RBFOX1: variants seen among roughly 807,000 people sequenced by gnomAD.
The protein encoded by RBFOX1 is RNA binding fox-1 homolog 1, also known as RNA binding protein fox-1 homolog 1.
In RBFOX1, 8 loss-of-function variants were observed where a neutral mutation model predicts 57.7. The observed-to-expected ratio is 0.14, with a 90% CI of 0.08 to 0.25. The LOEUF is 0.25. Ranked by LOEUF, RBFOX1 falls within the 10% of genes least tolerant of loss-of-function variation. The pLI is 1.00. For missense variants in RBFOX1, 611 were observed against 548.5 expected, an observed-to-expected ratio of 1.11 and a Z score of -1.14; for synonymous variants, 326 against 222.4, an observed-to-expected ratio of 1.47 and a Z score of -4.15.
At chr16:6,808,574 G>A (rs906900849) in intron 3 of RBFOX1, among the ~76,000 whole-genome samples, 7 of 152,188 alleles carry the variant, frequency 4.6e-5, no homozygotes, top group African/African-American at 1.4e-4. Flanking sequence ...GGGAATAACT[G>A]CCAAATTTAT....
chr16:6,823,527 T>C (rs767588578), intron 3 of RBFOX1, among the ~76,000 whole-genome samples: 6 of 152,054 alleles, frequency 3.9e-5, no homozygotes, highest in Non-Finnish European at 8.8e-5. Flanking sequence ...AAAGTGCTGG[T>C]ATTACAGGAG....
At chr16:6,234,041 C>A (rs894173919) in intron 1 of RBFOX1, among the ~76,000 whole-genome samples, 1 of 152,154 alleles carries the variant, frequency 6.6e-6, no homozygotes, top group African/African-American at 2.4e-5. Flanking sequence ...GCCGTGTCCT[C>A]ACATGGCAGA....
chr16:6,587,823 AC>A (rs1191713500), intron 2 of RBFOX1, among the ~76,000 whole-genome samples: 1 of 152,232 alleles, frequency 6.6e-6, no homozygotes, highest in Non-Finnish European at 1.5e-5. Flanking sequence ...ACATTTTGTG[AC>A]ATTTACTTTC....
intron 4 of RBFOX1, among the ~76,000 whole-genome samples, chr16:7,449,589 G>A (rs2098835147): frequency 6.6e-6 from 1 of 152,028 alleles, no homozygotes; most frequent in Non-Finnish European, 1.5e-5. Flanking sequence ...AACCTCGTTA[G>A]ACTTGAAATC....
intron 4 of RBFOX1, among the ~76,000 whole-genome samples, chr16:7,226,748 G>C (rs1453463579): frequency 6.6e-6 from 1 of 152,160 alleles, no homozygotes; most frequent in East Asian, 1.9e-4. Flanking sequence ...AAGAGGACTG[G>C]TAGGATTCCC....
At chr16:5,473,315 C>G (rs1043200375) in intron 2 of RBFOX1, among the ~76,000 whole-genome samples, 1 of 152,184 alleles carries the variant, frequency 6.6e-6, no homozygotes, top group African/African-American at 2.4e-5. Context: ...ACAGACCTTA[C>G]CTGACACCTC....
chr16:7,694,559 A>G (rs2078195435), intron 14 of RBFOX1, among the ~76,000 whole-genome samples: 2 of 152,200 alleles, frequency 1.3e-5, no homozygotes, highest in Admixed American at 1.3e-4. Flanking sequence ...AAACAATGGT[A>G]TACTCTTTCT....
chr16:5,783,136 T>G (rs1048106986), intron 3 of RBFOX1, among the ~76,000 whole-genome samples: 3 of 150,660 alleles, frequency 2.0e-5, no homozygotes, highest in Non-Finnish European at 4.4e-5. Flanking sequence ...ACTTAAATAT[T>G]TTTAAATTGT....
At chr16:5,745,410 C>T (rs2052939363) in intron 3 of RBFOX1, among the ~76,000 whole-genome samples, 1 of 152,164 alleles carries the variant, frequency 6.6e-6, no homozygotes, top group Admixed American at 6.5e-5. Context: ...CATATGTGTG[C>T]ATGTGTCTTT....
rs2087764 is a variant in RBFOX1 at position 6,936,113 on chromosome 16, G to A, written c.-15-115944G>A. On this transcript the variant is annotated intron_variant, in intron 3 of 15. Transcript: ENST00000550418. ...AGATCTGAGGTTCACTTTTTGCTCC[G>A]GGGGTTCAGCTTCTGTACACTTGAT... 7.8e-4 allele frequency among the ~76,000 whole-genome samples: 118 copies of A among 152,222 alleles called. 1 individual carries two copies. Among genetic ancestry groups the A allele is most frequent in the African/African-American group, 2.7e-3 (114 of 41,552 alleles).
intron 1 of RBFOX1, among the ~76,000 whole-genome samples, chr16:6,145,008 TTTTA>T (rs1254409091): frequency 6.6e-6 from 1 of 152,100 alleles, no homozygotes; most frequent in Non-Finnish European, 1.5e-5. Flanking sequence ...AGACCCTGCA[TTTTA>T]TTTTTTTTAA....
At chr16:7,557,008 C>A (rs2088747994) in intron 5 of RBFOX1, among the ~76,000 whole-genome samples, 1 of 152,196 alleles carries the variant, frequency 6.6e-6, no homozygotes, top group African/African-American at 2.4e-5. Flanking sequence ...TATCATGAAA[C>A]ACCAATTATA....
At chr16:5,652,127 C>A (rs1473044542) in intron 3 of RBFOX1, among the ~76,000 whole-genome samples, 1 of 151,782 alleles carries the variant, frequency 6.6e-6, no homozygotes, top group African/African-American at 2.4e-5. Context: ...TAGTGAGACT[C>A]CATCTAAAAA....
intron 3 of RBFOX1, among the ~76,000 whole-genome samples, chr16:6,812,242 T>C (rs2088849575): frequency 6.6e-6 from 1 of 152,186 alleles, no homozygotes; most frequent in East Asian, 1.9e-4. Context: ...CATTTCCTGT[T>C]TTGTTAAGAA....
At chr16:6,799,567 T>C (rs573958341) in intron 3 of RBFOX1, among the ~76,000 whole-genome samples, 1 of 152,178 alleles carries the variant, frequency 6.6e-6, no homozygotes, top group Admixed American at 6.5e-5. Context: ...TCAGAGGAGA[T>C]AAACACCTGA....
At chr16:7,393,726 T>G (rs1283773488) in intron 4 of RBFOX1, among the ~76,000 whole-genome samples, 1 of 152,172 alleles carries the variant, frequency 6.6e-6, no homozygotes, top group Non-Finnish European at 1.5e-5. Flanking sequence ...CATCCATCTG[T>G]CTTTGGCCAC....
At chr16:7,246,490 A>G (rs921925041) in intron 4 of RBFOX1, among the ~76,000 whole-genome samples, 4 of 152,168 alleles carry the variant, frequency 2.6e-5, no homozygotes, top group African/African-American at 9.7e-5. Flanking sequence ...GCTCTGCATT[A>G]TCTGGCCTCT....
At chr16:5,568,276 G>T (rs937784281) in intron 2 of RBFOX1, among the ~76,000 whole-genome samples, 3 of 152,110 alleles carry the variant, frequency 2.0e-5, no homozygotes, top group African/African-American at 7.2e-5. Context: ...CCACCTCCTT[G>T]CCTTTGCCCA....
chr16:5,950,379 A>G (rs1243923085), intron 4 of RBFOX1, among the ~76,000 whole-genome samples: 1 of 152,148 alleles, frequency 6.6e-6, no homozygotes, highest in Admixed American at 6.5e-5. Flanking sequence ...GGTTTTTAGC[A>G]CCCACTTATG....
Sources: gnomAD v4.1 joint callset for allele counts (sites outside exome capture counted in the v4.1 genomes callset) on GRCh38, gnomAD v4.1.1 for gene constraint, MANE v1.5 for transcripts, NCBI Gene and HGNC (gene_info 2026-07-23, HGNC 2026-07-21) for gene names.